Variants in CADM1 observed in about 807,000 individuals in gnomAD.
CADM1 encodes TSLC-1.
CADM1 carries 15 observed loss-of-function variants against 53.1 expected under a neutral mutation model. The ratio of observed to expected loss-of-function variants is 0.28; its 90% CI spans 0.19 to 0.44. The LOEUF (loss-of-function observed/expected upper bound fraction) is 0.44, where lower values mean the gene tolerates loss of function less well. Among genes scored for constraint, CADM1 ranks in the 20% least tolerant of loss-of-function variants. The pLI is 1.00. For missense variants in CADM1, 434 were observed against 611.3 expected (o/e 0.71, Z 3.06); for synonymous variants, 281 against 243.0 (o/e 1.16, Z -1.45).
intron 1 of CADM1, among the ~76,000 whole-genome samples, chr11:115,318,761 C>G (rs1233514755): frequency 1.3e-5 from 2 of 152,062 alleles, no homozygotes; most frequent in African/African-American, 2.4e-5. Context: ...TAGGTACAGA[C>G]AGCAATAAAG....
At chr11:115,211,475 CT>C (rs1224649182) in intron 7 of CADM1, among the ~76,000 whole-genome samples, 4 of 92,256 alleles carry the variant, frequency 4.3e-5, no homozygotes, top group South Asian at 4.4e-4. Flanking sequence ...AATCCTATTT[CT>C]TTTTTTTTTT....
intron 1 of CADM1, among the ~76,000 whole-genome samples, chr11:115,264,657 T>A (rs745566245): frequency 1.3e-5 from 2 of 152,232 alleles, no homozygotes; most frequent in Non-Finnish European, 2.9e-5. Context: ...TCAACTTGTA[T>A]AAGCTTTGTG....
intron 1 of CADM1, among the ~76,000 whole-genome samples, chr11:115,371,613 T>G (rs1350441997): frequency 6.7e-6 from 1 of 150,352 alleles, no homozygotes; most frequent in Non-Finnish European, 1.5e-5. Flanking sequence ...AACACGCAAT[T>G]AAAAGGCAGA....
intron 1 of CADM1, among the ~76,000 whole-genome samples, chr11:115,276,525 C>T (rs190396721): frequency 1.4e-4 from 21 of 152,294 alleles, no homozygotes; most frequent in East Asian, 5.8e-4. Flanking sequence ...CAAGAATACA[C>T]GCACAGATCC....
chr11:115,282,214 T>A (rs550424061), intron 1 of CADM1, among the ~76,000 whole-genome samples: 7 of 152,230 alleles, frequency 4.6e-5, no homozygotes, highest in African/African-American at 1.4e-4. Flanking sequence ...ATGGGATAGG[T>A]TCAGTGAGTA....
chr11:115,183,828 A>C (rs1183644201), intron 10 of CADM1, among the ~76,000 whole-genome samples: 2 of 152,096 alleles, frequency 1.3e-5, no homozygotes, highest in Non-Finnish European at 2.9e-5. Flanking sequence ...AGCCATGGGG[A>C]GGTTCTAACG....
At chr11:115,407,159 T>C (rs1017266253) in intron 1 of CADM1, among the ~76,000 whole-genome samples, 2 of 152,172 alleles carry the variant, frequency 1.3e-5, no homozygotes, top group Non-Finnish European at 2.9e-5. Flanking sequence ...ACTCTAGCCA[T>C]AGACATGCTA....
Position 115,175,460 on chromosome 11 carries a change from A to C in CADM1, c.*1014T>G. The C allele has an allele frequency of 1.0e-6, 1 of 985,712 alleles. No homozygotes were observed. Among genetic ancestry groups the C allele is most frequent in the Non-Finnish European group, 1.2e-6 (1 of 829,934 alleles). 61.1% of individuals were successfully genotyped at this position (985,712 alleles called of 1,614,324 possible). On this transcript the variant is annotated 3_prime_UTR_variant, in exon 12 of 12. Transcript: ENST00000331581. The stretch of plus-strand genomic sequence containing the variant: ...TTTTTCCTACAAATTAGTGAGAAGT[A>C]AGGCCGATTGGGAAAGGTGGATGGA...
At position 115,315,400 on chromosome 11, in the gene CADM1, A is replaced by C. The variant is rs568016436; in HGVS notation, c.125-74980T>G. Among the ~76,000 whole-genome samples the C allele has an allele frequency of 1.7e-3, 261 of 152,336 alleles. 1 individual carries two copies. Among genetic ancestry groups the C allele is most frequent in the Non-Finnish European group, 3.0e-3 (207 of 68,034 alleles). On this transcript the variant is annotated intron_variant, in intron 1 of 11. Coordinates refer to ENST00000331581, the MANE Select transcript of CADM1 (RefSeq NM_001301043.2). ...TGTCCTGAAGAAATGAGAGAAATCC[A>C]ACAAGAGTTGTTAATGTATAAAAAT...
intron 1 of CADM1, among the ~76,000 whole-genome samples, chr11:115,376,924 C>T (rs1946452483): frequency 6.6e-6 from 1 of 152,102 alleles, no homozygotes; most frequent in Non-Finnish European, 1.5e-5. Flanking sequence ...TTGACAACAG[C>T]ATGTTTTATA....
At chr11:115,287,789 G>C (rs751117366) in intron 1 of CADM1, among the ~76,000 whole-genome samples, 32 of 152,154 alleles carry the variant, frequency 2.1e-4, no homozygotes, top group Admixed American at 1.8e-3. Flanking sequence ...AGATAGAAAT[G>C]ATTCGCTCAG....
chr11:115,224,757 T>C (rs1017792728), intron 5 of CADM1, among the ~76,000 whole-genome samples: 27 of 152,182 alleles, frequency 1.8e-4, no homozygotes, highest in African/African-American at 6.5e-4. Context: ...CTTGATGCTA[T>C]TTAGACAGTT....
intron 5 of CADM1, 111 bp from the exon 6 acceptor site, chr11:115,218,102 G>T: frequency 1.4e-6 from 1 of 727,150 alleles, no homozygotes; most frequent in Non-Finnish European, 2.5e-6. Flanking sequence ...TCTCCCATCC[G>T]ATGCCTTCAG....
intron 1 of CADM1, among the ~76,000 whole-genome samples, chr11:115,481,936 A>T (rs1178025851): frequency 2.0e-5 from 3 of 152,048 alleles, no homozygotes; most frequent in Non-Finnish European, 2.9e-5. Flanking sequence ...CCCCTCATTG[A>T]CACTCTCCAT....
chr11:115,336,590 T>C (rs1945273391), intron 1 of CADM1, among the ~76,000 whole-genome samples: 1 of 152,182 alleles, frequency 6.6e-6, no homozygotes, highest in African/African-American at 2.4e-5. Flanking sequence ...TCTTGGTTTC[T>C]ACCCTTTCTG....
chr11:115,176,624 G>A lies in CADM1; in HGVS notation c.1298-32C>T, dbSNP rs759217135. On this transcript the variant is annotated intron_variant, in intron 11 of 11. Coordinates refer to ENST00000331581, the MANE Select transcript of CADM1 (RefSeq NM_001301043.2). ...GATGAAGGGGTAAAGCACCGTGACT[G>A]TCTGATGGCCTCTGTGTAAAGTGGT... 1.9e-6 allele frequency: 3 copies of A among 1,557,490 alleles called. No homozygotes were observed. The African/African-American group carries it at 4.1e-5, about 21-fold the overall frequency.
intron 1 of CADM1, among the ~76,000 whole-genome samples, chr11:115,431,544 G>T (rs1948051183): frequency 1.3e-5 from 2 of 152,034 alleles, no homozygotes; most frequent in African/African-American, 4.8e-5. Context: ...ACCCTCAAAG[G>T]CTTCTTATAA....
chr11:115,417,566 A>C (rs1037805082), intron 1 of CADM1, among the ~76,000 whole-genome samples: 16 of 152,362 alleles, frequency 1.1e-4, no homozygotes, highest in African/African-American at 3.6e-4. Context: ...CTTGAGCATA[A>C]GCACTGAAAT....
chr11:115,222,639 C>T (rs1028360327), intron 5 of CADM1, among the ~76,000 whole-genome samples: 3 of 151,890 alleles, frequency 2.0e-5, no homozygotes, highest in East Asian at 1.9e-4. Flanking sequence ...GAGGGCTGAA[C>T]GATTGTGAGT....
Sources: allele counts gnomAD v4.1 joint callset (sites outside exome capture counted in the v4.1 genomes callset), GRCh38; gene constraint gnomAD v4.1.1; transcripts MANE v1.5; gene names NCBI Gene and HGNC (gene_info 2026-07-23, HGNC 2026-07-21).